Variants in GSE1 observed in about 807,000 individuals in gnomAD.
GSE1 encodes Gse1 coiled-coil protein.
In GSE1, 32 loss-of-function variants were observed where a neutral mutation model predicts 112.6. The ratio of observed to expected loss-of-function variants is 0.28; its 90% CI spans 0.21 to 0.38. The LOEUF (loss-of-function observed/expected upper bound fraction) is 0.38, where lower values mean the gene tolerates loss of function less well. Ranked by LOEUF, GSE1 falls within the 10% of genes least tolerant of loss-of-function variation. The pLI is 1.00. For missense variants in GSE1, 2,348 were observed against 1,699.2 expected, an observed-to-expected ratio of 1.38 and a Z score of -6.71; for synonymous variants, 1,115 against 735.6, an observed-to-expected ratio of 1.52 and a Z score of -8.35.
Position 85,466,039 on chromosome 16 carries a change from C to T in GSE1, c.2464+108396C>T, listed in dbSNP as rs544231153. ...TCATTGGCAGCGGTGTGGACCCAGCCTAAGAGCTTAGCTTTTCCTTTGGGG... is the reference window on the plus strand; with the variant it reads ...TCATTGGCAGCGGTGTGGACCCAGCTTAAGAGCTTAGCTTTTCCTTTGGGG... On this transcript the variant is annotated intron_variant, in intron 2 of 2. Coordinates refer to the GSE1 transcript ENST00000637419. 1.3e-4 allele frequency among the ~76,000 whole-genome samples: 20 copies of T among 152,336 alleles called. 1 individual carries two copies. In the East Asian group the frequency reaches 1.7e-3, roughly 13 times the overall value.
chr16:85,377,988 A>G (rs1055799276), intron 2 of GSE1, among the ~76,000 whole-genome samples: 2 of 152,190 alleles, frequency 1.3e-5, no homozygotes, highest in African/African-American at 2.4e-5. Context: ...GAAGGGCTCT[A>G]TCGGCTCCGT....
chr16:85,548,690 A>C (rs1005303919), intron 2 of GSE1, among the ~76,000 whole-genome samples: 1 of 152,216 alleles, frequency 6.6e-6, no homozygotes, highest in Non-Finnish European at 1.5e-5. Context: ...TGTGGTGAAC[A>C]GTGTGGTGAT....
intron 1 of GSE1, among the ~76,000 whole-genome samples, chr16:85,265,479 G>C (rs900122635): frequency 2.0e-5 from 3 of 152,138 alleles, no homozygotes; most frequent in Non-Finnish European, 4.4e-5. Flanking sequence ...CCCCAGTTCA[G>C]GCCAATTCCT....
chr16:85,588,159 C>T (rs2046796482), intron 1 of GSE1, among the ~76,000 whole-genome samples: 1 of 152,224 alleles, frequency 6.6e-6, no homozygotes, highest in African/African-American at 2.4e-5. Flanking sequence ...CCCCAGCTGG[C>T]CTCTTGCATC....
At position 85,569,567 on chromosome 16, in the gene GSE1, G is replaced by A. The variant is rs1023838803; in HGVS notation, c.37+13204G>A. On this transcript the variant is annotated intron_variant, in intron 1 of 2. Coordinates refer to the GSE1 transcript ENST00000635906. The stretch of plus-strand genomic sequence containing the variant: ...TGGTGTCTAGGCTGTCAGGAAGGGC[G>A]GACTTGCTCTTGGTATTATCGTCTG... Among the ~76,000 whole-genome samples the A allele has an allele frequency of 2.6e-5, 4 of 152,220 alleles. 1 individual carries two copies. The South Asian group carries it at 6.2e-4, about 24-fold the overall frequency.
intron 2 of GSE1, among the ~76,000 whole-genome samples, chr16:85,417,143 A>G (rs2048721443): frequency 6.6e-6 from 1 of 152,200 alleles, no homozygotes; most frequent in Non-Finnish European, 1.5e-5. Flanking sequence ...TTCAAATTAC[A>G]GGTGTGAGCC....
intron 1 of GSE1, among the ~76,000 whole-genome samples, chr16:85,256,527 G>T (rs1907097976): frequency 6.6e-6 from 1 of 152,216 alleles, no homozygotes; most frequent in Non-Finnish European, 1.5e-5. Flanking sequence ...GGGCCGCCCA[G>T]GCACGTTCCT....
At chr16:85,526,184 G>A (rs1293109072) in intron 2 of GSE1, among the ~76,000 whole-genome samples, 1 of 152,218 alleles carries the variant, frequency 6.6e-6, no homozygotes, top group Non-Finnish European at 1.5e-5. Flanking sequence ...AGCAGCAAAA[G>A]ACACATTCAC....
In GSE1 at chr16:85,661,508, TGCCCGG is replaced by T. The variant is rs770052395; in HGVS notation, c.2014_2019del (p.Gly672_Pro673del). 48 of 1,611,840 alleles carry T rather than the reference TGCCCGG, an allele frequency of 3.0e-5. No individual in the cohort carries two copies. In the African/African-American group the frequency reaches 4.8e-4, roughly 16 times the overall value. On this transcript the variant is annotated inframe_deletion, in exon 9 of 16. Coordinates refer to ENST00000253458, the MANE Select transcript of GSE1 (RefSeq NM_014615.5). Reference sequence around the variant, plus strand: ...GGGAGCCTGGAGCACCAGCCCTTCCTGCCCGGGCCCGGGCCCTTCCTGGCTGAGCTC... The same window carrying T: ...GGGAGCCTGGAGCACCAGCCCTTCCTGCCCGGGCCCTTCCTGGCTGAGCTC...
chr16:85,397,462 G>A (rs766708134), intron 2 of GSE1, among the ~76,000 whole-genome samples: 42 of 152,260 alleles, frequency 2.8e-4, no homozygotes, highest in Non-Finnish European at 5.1e-4. Flanking sequence ...CCTGGAACAT[G>A]TGGTCTCTGC....
chr16:85,554,463 C>A (rs187486301), upstream of GSE1, among the ~76,000 whole-genome samples: 10 of 152,236 alleles, frequency 6.6e-5, no homozygotes, highest in Non-Finnish European at 5.9e-5. Context: ...GTCTATTTGC[C>A]TGGAAGCATG....
intron 2 of GSE1, among the ~76,000 whole-genome samples, chr16:85,358,891 G>A (rs549289815): frequency 2.5e-4 from 38 of 152,346 alleles, no homozygotes; most frequent in Non-Finnish European, 3.5e-4. Flanking sequence ...GGCCATTGTC[G>A]GGGAGGAATG....
intron 6 of GSE1, 69 bp downstream of exon 6, chr16:85,655,986 C>G (rs2051892725): frequency 1.5e-6 from 2 of 1,317,510 alleles, no homozygotes; most frequent in East Asian, 2.4e-5. Flanking sequence ...GGCAGAAAGC[C>G]TGGGCTGGAA....
intron 2 of GSE1, among the ~76,000 whole-genome samples, chr16:85,525,863 C>G (rs1598067103): frequency 1.3e-5 from 2 of 152,214 alleles, no homozygotes; most frequent in Non-Finnish European, 2.9e-5. Flanking sequence ...AGAGGGAGCA[C>G]TGGCTGCCTT....
chr16:85,422,177 C>G (rs369031075), intron 2 of GSE1, among the ~76,000 whole-genome samples: 5 of 152,268 alleles, frequency 3.3e-5, no homozygotes, highest in East Asian at 1.9e-4. Flanking sequence ...CTCCCCTGGT[C>G]CCTGGCTGGG....
rs561570627 is a variant in GSE1, at chr16:85,427,133, G to T, written c.2464+69490G>T. Among the ~76,000 whole-genome samples, 9 of 152,216 alleles carry T rather than the reference G, an allele frequency of 5.9e-5. No homozygotes were observed. The East Asian group carries it at 1.7e-3, about 29-fold the overall frequency. ...CCCAGCACCAGCACTGTGAGTCCTG[G>T]GGTCCTGGGAGTGGGACAGCAGCTG... On this transcript the variant is annotated intron_variant, in intron 2 of 2. Coordinates refer to the GSE1 transcript ENST00000637419.
intron 14 of GSE1, among the ~76,000 whole-genome samples, chr16:85,669,726 TG>T (rs1233166230): frequency 1.3e-5 from 2 of 152,244 alleles, no homozygotes; most frequent in African/African-American, 4.8e-5. Context: ...TATTTTCTTC[TG>T]TGAGTTTGGC....
intron 2 of GSE1, among the ~76,000 whole-genome samples, chr16:85,425,948 G>A (rs11149745): frequency 0.62 from 94,653 of 151,802 alleles, 32,313 homozygotes; most frequent in Non-Finnish European, 0.76. Context: ...TGTCAGTGGC[G>A]AGGCCGGGAT....
In GSE1 at chr16:85,460,898, A is replaced by C. The variant is rs564871239; in HGVS notation, c.2464+103255A>C. Among the ~76,000 whole-genome samples, 179 of 152,358 alleles carry C rather than the reference A, an allele frequency of 1.2e-3. 2 individuals carry two copies. The Middle Eastern group carries it at 0.02, about 17-fold the overall frequency. On this transcript the variant is annotated intron_variant, in intron 2 of 2. Coordinates refer to the GSE1 transcript ENST00000637419. ...GAGTGGGCTGCAAATCAGGACGTGA[A>C]GTCTGATGACAGATGGGAAAGGGCT... is the stretch of plus-strand genomic sequence containing the variant.
Sources: allele counts gnomAD v4.1 joint callset (sites outside exome capture counted in the v4.1 genomes callset), GRCh38; gene constraint gnomAD v4.1.1; transcripts MANE v1.5; gene names NCBI Gene and HGNC (gene_info 2026-07-23, HGNC 2026-07-21).